The following LRRC37A2 variants were observed in gnomAD, a reference collection of about 807,000 sequenced individuals.
LRRC37A2 encodes leucine-rich repeat-containing protein 37A2.
A neutral mutation model predicts 68.8 loss-of-function variants in LRRC37A2; 9 were observed. The observed-to-expected ratio is 0.13, with a 90% CI of 0.08 to 0.23. The LOEUF (loss-of-function observed/expected upper bound fraction) is 0.23. LRRC37A2 is among the 10% of genes least tolerant of loss of function. The probability of loss-of-function intolerance (pLI) is 1.00; values close to 1 mark genes in which losing one functional copy is unlikely to be tolerated. For synonymous variants in LRRC37A2, 63 were observed against 367.6 expected (o/e 0.17, Z 9.48); for missense variants, 168 against 950.4 (o/e 0.18, Z 10.82).
chr17:46,918,068 A>T, the LRRC37A2 span, among the ~76,000 whole-genome samples: 9 of 152,136 alleles, frequency 5.9e-5, no homozygotes, highest in East Asian at 1.3e-3. Context: ...TGAATTTTAT[A>T]ACACAGTTTT....
At chr17:46,771,436 C>T in the LRRC37A2 span, among the ~76,000 whole-genome samples, 10 of 150,734 alleles carry the variant, frequency 6.6e-5, no homozygotes, top group Admixed American at 5.9e-4. Flanking sequence ...TGCGGCCTCT[C>T]GCGGCGGCAG....
chr17:46,732,745 C>T, the LRRC37A2 span, among the ~76,000 whole-genome samples: 1 of 152,018 alleles, frequency 6.6e-6, no homozygotes, highest in Non-Finnish European at 1.5e-5. Context: ...AAACATGTTC[C>T]CTAGGTCTTT....
chr17:47,016,196 G>A, the LRRC37A2 span, among the ~76,000 whole-genome samples: 2 of 151,830 alleles, frequency 1.3e-5, no homozygotes, highest in East Asian at 3.9e-4. Context: ...CCCCCACCTC[G>A]GCCTCCCAAA....
At chr17:46,803,349 C>T in the LRRC37A2 span, among the ~76,000 whole-genome samples, 1 of 152,208 alleles carries the variant, frequency 6.6e-6, no homozygotes, top group Admixed American at 6.5e-5. Flanking sequence ...GCCTTGCCAA[C>T]ATGGCAAAAC....
chr17:46,779,103 A>ACACACACACACACCCCCC, the LRRC37A2 span, among the ~76,000 whole-genome samples: 11 of 133,656 alleles, frequency 8.2e-5, no homozygotes, highest in Admixed American at 3.1e-4. Context: ...ACACACACAC[A>ACACACACACACACCCCCC]CCCCAGCCCA....
At chr17:46,704,677 G>C in the LRRC37A2 span, 4 of 1,516,736 alleles carry the variant, frequency 2.6e-6, no homozygotes, top group Non-Finnish European at 3.5e-6. Flanking sequence ...AAATCCTCAA[G>C]AGTTACGTTC....
the LRRC37A2 span, among the ~76,000 whole-genome samples, chr17:46,848,932 G>GCACACACACACACACACA: frequency 6.8e-6 from 1 of 146,290 alleles, no homozygotes; most frequent in East Asian, 2.0e-4. Context: ...GTGTGCACGT[G>GCACACACACACACACACA]CACACACACA....
the LRRC37A2 span, chr17:46,923,325 T>C: frequency 4.6e-6 from 7 of 1,538,118 alleles, no homozygotes; most frequent in Non-Finnish European, 6.1e-6. Context: ...AGAGGCCGAG[T>C]TTTTCCGCCA....
the LRRC37A2 span, chr17:46,935,477 A>T: frequency 7.3e-7 from 1 of 1,364,624 alleles, no homozygotes; most frequent in Non-Finnish European, 9.4e-7. Context: ...CAGGCTGAGA[A>T]ATTGTGTTAC....
chr17:47,001,359 G>A, the LRRC37A2 span, among the ~76,000 whole-genome samples: 1 of 151,252 alleles, frequency 6.6e-6, no homozygotes, highest in Admixed American at 6.6e-5. Flanking sequence ...TGAAAAAGCG[G>A]AAGTGAGAGA....
chr17:46,517,267 T>C, intron 2 of LRRC37A2, 95 bp from the exon 2 acceptor site: 1 of 771,904 alleles, frequency 1.3e-6, no homozygotes. Context: ...ATTTTCTGTT[T>C]CTGAATATCC....
At chr17:46,781,346 G>T in the LRRC37A2 span, among the ~76,000 whole-genome samples, 2 of 151,576 alleles carry the variant, frequency 1.3e-5, no homozygotes, top group Admixed American at 1.3e-4. Context: ...AATACTGTAT[G>T]ATTTCACTTA....
At chr17:46,764,942 G>GC in the LRRC37A2 span, among the ~76,000 whole-genome samples, 1 of 152,206 alleles carries the variant, frequency 6.6e-6, no homozygotes, top group East Asian at 1.9e-4. Context: ...ACGGTGCCTG[G>GC]CCGAGGGCCC....
At chr17:46,875,896 G>A in the LRRC37A2 span, among the ~76,000 whole-genome samples, 1 of 152,174 alleles carries the variant, frequency 6.6e-6, no homozygotes, top group Non-Finnish European at 1.5e-5. Flanking sequence ...TGCTCTAGCT[G>A]TTTATGAGAT....
chr17:46,599,879 T>C, the LRRC37A2 span, among the ~76,000 whole-genome samples: 68 of 102,650 alleles, frequency 6.6e-4, no homozygotes, highest in Admixed American at 6.2e-4. Context: ...AAAATAATAA[T>C]AATAAATAAA....
chr17:46,941,967 T>C, the LRRC37A2 span: 2 of 984,964 alleles, frequency 2.0e-6, no homozygotes, highest in South Asian at 9.4e-5. Flanking sequence ...ATCACATTGG[T>C]GTAAAGAGCA....
the LRRC37A2 span, among the ~76,000 whole-genome samples, chr17:46,693,443 C>A: frequency 6.6e-6 from 1 of 151,704 alleles, no homozygotes; most frequent in East Asian, 1.9e-4. Context: ...CGTTTCAGAT[C>A]CTACATCACT....
the LRRC37A2 span, chr17:46,931,162 T>C: frequency 6.2e-7 from 1 of 1,610,974 alleles, no homozygotes; most frequent in Admixed American, 1.7e-5. Flanking sequence ...CGTCTGGAGA[T>C]TTTGTCCAGC....
the LRRC37A2 span, among the ~76,000 whole-genome samples, chr17:46,794,967 T>C: frequency 6.6e-6 from 1 of 151,972 alleles, no homozygotes; most frequent in African/African-American, 2.4e-5. Flanking sequence ...GCCAGGCTGG[T>C]CTTGAACTCC....
Sources: allele counts gnomAD v4.1 joint callset (sites outside exome capture counted in the v4.1 genomes callset), GRCh38; gene constraint gnomAD v4.1.1; transcripts MANE v1.5; gene names NCBI Gene and HGNC (gene_info 2026-07-23, HGNC 2026-07-21).